Variants in AP3B1 observed in about 807,000 individuals in gnomAD.
AP3B1 encodes AP-3 complex subunit beta-1.
Under a neutral mutation model 132.5 loss-of-function variants are expected in AP3B1, and 61 were observed. That is an observed-to-expected ratio of 0.46 (90% CI 0.37 to 0.57). AP3B1 has a LOEUF of 0.57. Among genes scored for constraint, AP3B1 ranks in the 20% least tolerant of loss-of-function variants. The pLI is 0.00. For synonymous variants in AP3B1, 388 were observed against 438.3 expected, an observed-to-expected ratio of 0.89 and a Z score of 1.43; for missense variants, 1,120 against 1,289.4, an observed-to-expected ratio of 0.87 and a Z score of 2.01.
intron 11 of AP3B1, among the ~76,000 whole-genome samples, chr5:78,166,262 T>C (rs1170878192): frequency 6.6e-6 from 1 of 151,964 alleles, no homozygotes; most frequent in Non-Finnish European, 1.5e-5. Flanking sequence ...TATTAGACAA[T>C]TACTAGTTCT....
At chr5:78,131,736 T>C (rs187931538) in intron 15 of AP3B1, among the ~76,000 whole-genome samples, 23 of 152,220 alleles carry the variant, frequency 1.5e-4, no homozygotes, top group African/African-American at 4.8e-4. Context: ...TGATTAAATC[T>C]TGAGCTCTCA....
At chr5:78,218,808 A>G (rs1746063579) in intron 6 of AP3B1, among the ~76,000 whole-genome samples, 1 of 152,134 alleles carries the variant, frequency 6.6e-6, no homozygotes, top group South Asian at 2.1e-4. Flanking sequence ...AAGTTGGCCA[A>G]TGCTGCCAAG....
intron 17 of AP3B1, among the ~76,000 whole-genome samples, chr5:78,118,159 C>A (rs1751945544): frequency 6.6e-6 from 1 of 152,172 alleles, no homozygotes; most frequent in Non-Finnish European, 1.5e-5. Context: ...TAGTCTGGTG[C>A]ACATTTGACC....
chr5:78,072,792 G>A (rs981366900), intron 22 of AP3B1, among the ~76,000 whole-genome samples: 12 of 117,144 alleles, frequency 1.0e-4, no homozygotes, highest in Admixed American at 6.2e-4. Flanking sequence ...TGCAATCTCC[G>A]CTCATTGCAA....
At chr5:78,059,597 T>C (rs964763721) in intron 22 of AP3B1, among the ~76,000 whole-genome samples, 5 of 152,190 alleles carry the variant, frequency 3.3e-5, no homozygotes, top group African/African-American at 4.8e-5. Context: ...CCAACTATTA[T>C]AGACACTAAT....
At chr5:78,213,816 A>G (rs369655102) in intron 7 of AP3B1, among the ~76,000 whole-genome samples, 1 of 152,244 alleles carries the variant, frequency 6.6e-6, no homozygotes, top group Admixed American at 6.5e-5. Flanking sequence ...CAACAATAAT[A>G]GGAATCAAAT....
chr5:78,280,157 C>T (rs1748990005), intron 1 of AP3B1, among the ~76,000 whole-genome samples: 1 of 151,290 alleles, frequency 6.6e-6, no homozygotes, highest in Non-Finnish European at 1.5e-5. Context: ...GGAGTGTCAT[C>T]CCCCTCCCTA....
chr5:78,013,930 G>A (rs1580238762), intron 26 of AP3B1, among the ~76,000 whole-genome samples: 1 of 152,150 alleles, frequency 6.6e-6, no homozygotes. Flanking sequence ...TTGGGAGGCC[G>A]AGACGGGTGG....
At chr5:78,209,379 T>A (rs1745641546) in intron 7 of AP3B1, among the ~76,000 whole-genome samples, 1 of 152,208 alleles carries the variant, frequency 6.6e-6, no homozygotes, top group African/African-American at 2.4e-5. Context: ...AAAACTTTAG[T>A]CACCACAACC....
At chr5:78,272,079 T>G (rs1748569459) in intron 1 of AP3B1, among the ~76,000 whole-genome samples, 1 of 152,216 alleles carries the variant, frequency 6.6e-6, no homozygotes, top group Non-Finnish European at 1.5e-5. Flanking sequence ...CATAAGAATC[T>G]TGGTTTCTAC....
At chr5:78,231,679 GT>G (rs1746659303) in intron 3 of AP3B1, among the ~76,000 whole-genome samples, 1 of 152,156 alleles carries the variant, frequency 6.6e-6, no homozygotes, top group African/African-American at 2.4e-5. Context: ...CAGTTGTTAA[GT>G]TAAATCCCAA....
chr5:78,234,893 C>T (rs564674845), intron 3 of AP3B1, among the ~76,000 whole-genome samples: 2 of 152,156 alleles, frequency 1.3e-5, no homozygotes, highest in Non-Finnish European at 2.9e-5. Flanking sequence ...AAGACACCAA[C>T]ATACTATGAA....
In AP3B1 at chr5:78,243,836, C is replaced by T. The variant is rs549356832; in HGVS notation, c.205-2900G>A. 2.0e-5 allele frequency among the ~76,000 whole-genome samples: 3 copies of T among 152,256 alleles called. No homozygotes were observed. The South Asian group carries it at 6.2e-4, about 32-fold the overall frequency. The stretch of plus-strand genomic sequence containing the variant: ...AGAGATAAGGTCAGAAATGTATAAA[C>T]CACTGTAAAATGAGTTGGCTTTTAC... On this transcript the variant is annotated intron_variant, in intron 2 of 26. Transcript: ENST00000255194.
At chr5:78,208,039 C>T (rs1745581883) in intron 7 of AP3B1, among the ~76,000 whole-genome samples, 2 of 151,472 alleles carry the variant, frequency 1.3e-5, no homozygotes, top group African/African-American at 4.9e-5. Context: ...TGCTCCAAAG[C>T]CAGGAAAACC....
chr5:78,059,134 G>A (rs1050474836), intron 22 of AP3B1, among the ~76,000 whole-genome samples: 1 of 152,220 alleles, frequency 6.6e-6, no homozygotes, highest in Non-Finnish European at 1.5e-5. Context: ...CACAGATCCT[G>A]TAAGTGAATG....
Position 78,003,180 on chromosome 5 carries a change from T to C in AP3B1, c.3132-125A>G, listed in dbSNP as rs895976215. On this transcript the variant is annotated intron_variant, in intron 26 of 26. Coordinates refer to ENST00000255194, the MANE Select transcript of AP3B1 (RefSeq NM_003664.5). Reference sequence around the variant, plus strand: ...GAAATAATTTGCTGCAGGCTCCCTATTGCCAAAAACCCAAAGCCAAGCATT... The same window carrying C: ...GAAATAATTTGCTGCAGGCTCCCTACTGCCAAAAACCCAAAGCCAAGCATT... The C allele has an allele frequency of 1.1e-5, 13 of 1,175,204 alleles. No individual in the cohort carries two copies. In the African/African-American group the frequency reaches 1.8e-4, roughly 17 times the overall value. 72.8% of individuals were successfully genotyped at this position (1,175,204 alleles called of 1,614,324 possible).
intron 25 of AP3B1, among the ~76,000 whole-genome samples, chr5:78,018,436 A>C (rs951743620): frequency 1.3e-5 from 2 of 151,952 alleles, no homozygotes; most frequent in Non-Finnish European, 2.9e-5. Flanking sequence ...TTAATCTAAA[A>C]TGTAATACTC....
intron 3 of AP3B1, among the ~76,000 whole-genome samples, chr5:78,231,087 C>G (rs1471592636): frequency 1.3e-5 from 2 of 151,754 alleles, no homozygotes; most frequent in Non-Finnish European, 2.9e-5. Flanking sequence ...ACCACTGCAC[C>G]CCAGCCTGGG....
At chr5:78,010,892 T>G (rs971263584) in intron 26 of AP3B1, among the ~76,000 whole-genome samples, 2 of 152,256 alleles carry the variant, frequency 1.3e-5, no homozygotes, top group African/African-American at 4.8e-5. Context: ...TTGAATATCT[T>G]ACACAGGAAG....
Sources: gnomAD v4.1 joint callset for allele counts (sites outside exome capture counted in the v4.1 genomes callset) on GRCh38, gnomAD v4.1.1 for gene constraint, MANE v1.5 for transcripts, NCBI Gene and HGNC (gene_info 2026-07-23, HGNC 2026-07-21) for gene names.